HHLA1: variants seen among roughly 807,000 people sequenced by gnomAD.
The protein encoded by HHLA1 is HERV-H LTR-associating protein 1.
Under a neutral mutation model 69.9 loss-of-function variants are expected in HHLA1, and 72 were observed. The ratio of observed to expected loss-of-function variants is 1.03; its 90% CI spans 0.85 to 1.25. The LOEUF (loss-of-function observed/expected upper bound fraction) is 1.25. HHLA1 is among the 50% of genes most tolerant of loss of function. HHLA1 has a pLI of 0.00. For synonymous variants in HHLA1, 252 were observed against 233.2 expected, an observed-to-expected ratio of 1.08 and a Z score of -0.73; for missense variants, 685 against 642.2, an observed-to-expected ratio of 1.07 and a Z score of -0.72.
Position 132,077,927 on chromosome 8 carries a change from G to C in HHLA1, c.970C>G (p.Gln324Glu). Residue 324 changes from glutamine to glutamate, a missense_variant, in exon 12 of 17, where the codon CAG becomes GAG. Transcript: ENST00000414222. ...ACGGACGATATGGAAGCCCACGTCTGTCTGTCAGCTGTCAACCACTGAGTT... is the reference window on the plus strand; with the variant it reads ...ACGGACGATATGGAAGCCCACGTCTCTCTGTCAGCTGTCAACCACTGAGTT... The part of the protein sequence containing the change: ...ARTQWLTADR[Q>E]TWASISSVPW... 6.4e-7 allele frequency: 1 copy of C among 1,551,628 alleles called. No individual in the cohort carries two copies. The highest frequency in any genetic ancestry group is 1.4e-5 in the African/African-American group (1 of 73,146).
chr8:132,089,449 G>A, intron 8 of HHLA1, 67 bp downstream of exon 8: 16 of 843,004 alleles, frequency 1.9e-5, no homozygotes, highest in South Asian at 1.9e-4. Flanking sequence ...AACATAATAT[G>A]CTTCATTATC....
At chr8:132,080,696 C>T (rs1261287287) in intron 10 of HHLA1, 3 of 152,568 alleles carry the variant, frequency 2.0e-5, no homozygotes, top group East Asian at 3.9e-4. Flanking sequence ...ACATGCCTGC[C>T]TTCTTATATT....
intron 7 of HHLA1, among the ~76,000 whole-genome samples, chr8:132,094,742 C>T (rs941026192): frequency 6.6e-6 from 1 of 152,164 alleles, no homozygotes; most frequent in Admixed American, 6.5e-5. Flanking sequence ...CATTTATTTA[C>T]TCCCTGCTCC....
chr8:132,079,784 G>C lies in HHLA1; in HGVS notation c.859C>G (p.Pro287Ala). 6.4e-7 allele frequency: 1 copy of C among 1,551,680 alleles called. No homozygotes were observed. The highest frequency in any genetic ancestry group is 8.7e-7 in the Non-Finnish European group (1 of 1,146,958). The change falls in exon 11 of 17, where the codon CCT (proline) becomes GCT (alanine). Residue 287 changes from proline to alanine, a missense_variant. Transcript: ENST00000414222. The part of the protein sequence containing the change: ...ETEETLNTGR[P>A]PELPARATAT... ...GTGGCCCTGGCTGGAAGCTCAGGAG[G>C]CCTGCCTGTGTTCAGGGTCTCCTCT...
chr8:132,109,001 T>C (rs1351473766), intron 1 of HHLA1, among the ~76,000 whole-genome samples: 1 of 152,226 alleles, frequency 6.6e-6, no homozygotes, highest in Non-Finnish European at 1.5e-5. Context: ...TAGGGTATTT[T>C]TGTTTGTTTT....
intron 1 of HHLA1, among the ~76,000 whole-genome samples, chr8:132,106,613 T>C (rs1255196920): frequency 1.3e-5 from 2 of 152,250 alleles, no homozygotes; most frequent in African/African-American, 4.8e-5. Context: ...CACATCGTTA[T>C]GCTCACAATC....
chr8:132,078,183 C>T (rs1312901764), intron 11 of HHLA1, among the ~76,000 whole-genome samples: 1 of 150,442 alleles, frequency 6.6e-6, no homozygotes, highest in African/African-American at 2.4e-5. Flanking sequence ...CACACACACA[C>T]ACACACACAC....
At chr8:132,099,546 G>A (rs780256037) in intron 4 of HHLA1, among the ~76,000 whole-genome samples, 14 of 152,132 alleles carry the variant, frequency 9.2e-5, no homozygotes, top group Non-Finnish European at 1.6e-4. Flanking sequence ...CACTTCCCCC[G>A]GCTATTCCTT....
At chr8:132,083,008 G>A (rs1447839794) in intron 10 of HHLA1, among the ~76,000 whole-genome samples, 1 of 151,410 alleles carries the variant, frequency 6.6e-6, no homozygotes, top group African/African-American at 2.4e-5. Context: ...AGGGTGATTA[G>A]GTTTTAATGA....
In HHLA1 at chr8:132,071,716, G is replaced by A; in HGVS notation, c.1316-223C>T. 1.3e-5 allele frequency among the ~76,000 whole-genome samples: 2 copies of A among 152,172 alleles called. 1 individual carries two copies. The highest frequency in any genetic ancestry group is 1.3e-4 in the Admixed American group (2 of 15,264). The stretch of plus-strand genomic sequence containing the variant: ...GTGATCGAGTTTCTGGAGGAAAACA[G>A]AGATAGTTTCACTGAGAAGCAAATA... On this transcript the variant is annotated intron_variant, in intron 14 of 16. Coordinates refer to ENST00000414222, the MANE Select transcript of HHLA1 (RefSeq NM_001145095.3).
At chr8:132,070,441 G>A (rs1362822076) in intron 15 of HHLA1, 5 of 696,384 alleles carry the variant, frequency 7.2e-6, no homozygotes, top group African/African-American at 1.8e-5. Context: ...GCCAGGCTGA[G>A]GGCATTTGGA....
intron 5 of HHLA1, among the ~76,000 whole-genome samples, chr8:132,096,844 C>T (rs1563748303): frequency 6.6e-6 from 1 of 152,152 alleles, no homozygotes; most frequent in Admixed American, 6.5e-5. Context: ...GGGTCTTGCT[C>T]TGTCACTCAG....
intron 5 of HHLA1, among the ~76,000 whole-genome samples, chr8:132,096,837 T>G (rs1047432558): frequency 6.6e-6 from 1 of 152,138 alleles, no homozygotes; most frequent in African/African-American, 2.4e-5. Context: ...TTAGACAGGG[T>G]CTTGCTCTGT....
chr8:132,075,245 T>C (rs921828113), intron 14 of HHLA1, among the ~76,000 whole-genome samples: 1 of 152,180 alleles, frequency 6.6e-6, no homozygotes, highest in Non-Finnish European at 1.5e-5. Context: ...AGCAGTTTAA[T>C]AATGCCCTGT....
chr8:132,071,541 G>A (rs555095462), intron 14 of HHLA1, 48 bp from the exon 15 acceptor site: 3 of 1,526,908 alleles, frequency 2.0e-6, no homozygotes, highest in African/African-American at 2.8e-5. Flanking sequence ...AGTTTAGTAA[G>A]CATCTTCTCT....
rs1230371044 is a variant in HHLA1, at chr8:132,105,276, C to T, written c.-11G>A. The T allele has an allele frequency of 6.4e-7, 1 of 1,550,948 alleles. No individual in the cohort carries two copies. Among genetic ancestry groups the T allele is most frequent in the Non-Finnish European group, 8.7e-7 (1 of 1,146,038 alleles). On this transcript the variant is annotated 5_prime_UTR_variant, in exon 2 of 17. Coordinates refer to ENST00000414222, the MANE Select transcript of HHLA1 (RefSeq NM_001145095.3). ...CAGGAAGCCCAGCATGCTTGTGATA[C>T]TCTGGCCCACCTGGAATGAAGCAAG...
intron 10 of HHLA1, chr8:132,085,458 G>A (rs557621571): frequency 2.0e-5 from 8 of 396,650 alleles, no homozygotes; most frequent in African/African-American, 1.5e-4. Context: ...AGGACCTGAG[G>A]TCGTAGGTGG....
intron 2 of HHLA1, among the ~76,000 whole-genome samples, chr8:132,104,602 G>A (rs1387110850): frequency 1.3e-5 from 2 of 152,140 alleles, no homozygotes; most frequent in African/African-American, 4.8e-5. Flanking sequence ...ATACAGAACA[G>A]CACAAGCCCA....
At chr8:132,098,317 T>C (rs1260374235) in intron 5 of HHLA1, among the ~76,000 whole-genome samples, 1 of 152,216 alleles carries the variant, frequency 6.6e-6, no homozygotes, top group Non-Finnish European at 1.5e-5. Context: ...TCATATTAAC[T>C]TAATCAATGA....
Sources: allele counts gnomAD v4.1 joint callset (sites outside exome capture counted in the v4.1 genomes callset), GRCh38; gene constraint gnomAD v4.1.1; transcripts MANE v1.5; gene names NCBI Gene and HGNC (gene_info 2026-07-23, HGNC 2026-07-21).